Variants in HOMER2 observed in about 807,000 individuals in gnomAD.
HOMER2 encodes the protein homer scaffold protein 2.
Under a neutral mutation model 47.0 loss-of-function variants are expected in HOMER2, and 27 were observed. That is an observed-to-expected ratio of 0.57 (90% CI 0.42 to 0.79). The LOEUF (loss-of-function observed/expected upper bound fraction) is 0.79, where lower values mean the gene tolerates loss of function less well. HOMER2 is among the 30% of genes least tolerant of loss of function. HOMER2 has a pLI of 0.00. For missense variants in HOMER2, 443 were observed against 435.0 expected (o/e 1.02, Z -0.16); for synonymous variants, 161 against 163.8 (o/e 0.98, Z 0.13).
intron 1 of HOMER2, among the ~76,000 whole-genome samples, chr15:82,970,855 GT>G: frequency 6.6e-6 from 1 of 152,288 alleles, no homozygotes; most frequent in Admixed American, 6.5e-5. Flanking sequence ...TCCAGCTCCT[GT>G]TTGTCTAAAA....
intron 1 of HOMER2, among the ~76,000 whole-genome samples, chr15:82,977,828 G>C (rs923936333): frequency 6.6e-6 from 1 of 152,068 alleles, no homozygotes; most frequent in Admixed American, 6.6e-5. Context: ...TGAGGGGAGA[G>C]GAAGTGGGAA....
Position 82,849,681 on chromosome 15 carries a change from G to A in HOMER2, c.*34C>T, listed in dbSNP as rs1385819133. On this transcript the variant is annotated 3_prime_UTR_variant, in exon 9 of 9. Coordinates refer to ENST00000450735, the MANE Select transcript of HOMER2 (RefSeq NM_004839.4). ...CTATCTGGTCTCGCACACACGCTTG[G>A]GACTCACGGGCGGGGCCTGGGCCTC... The A allele has an allele frequency of 2.5e-6, 4 of 1,590,218 alleles. No homozygotes were observed. The Admixed American group carries it at 5.2e-5, about 21-fold the overall frequency.
intron 3 of HOMER2, among the ~76,000 whole-genome samples, chr15:82,873,889 G>T (rs1465087477): frequency 6.6e-6 from 1 of 152,228 alleles, no homozygotes; most frequent in South Asian, 2.1e-4. Context: ...TTAGAAGTGT[G>T]TGTGCGTGCA....
intron 4 of HOMER2, 160 bp from the exon 5 acceptor site, chr15:82,859,295 C>A: frequency 5.8e-6 from 5 of 866,718 alleles, no homozygotes; most frequent in South Asian, 3.7e-5. Context: ...CAAAGACTAA[C>A]AAGTTTTTGT....
intron 2 of HOMER2, among the ~76,000 whole-genome samples, chr15:82,878,882 C>G (rs1567030283): frequency 6.6e-6 from 1 of 152,222 alleles, no homozygotes; most frequent in Non-Finnish European, 1.5e-5. Flanking sequence ...TCTGCCTCAG[C>G]CTTCCGAATG....
intron 1 of HOMER2, among the ~76,000 whole-genome samples, chr15:82,943,831 G>A (rs868056994): frequency 1.3e-5 from 2 of 152,214 alleles, no homozygotes; most frequent in Non-Finnish European, 2.9e-5. Context: ...TAGAGCCCCT[G>A]CATAGCTGGG....
intron 1 of HOMER2, among the ~76,000 whole-genome samples, chr15:82,920,307 T>C (rs1348738109): frequency 3.9e-5 from 6 of 152,180 alleles, no homozygotes; most frequent in Admixed American, 1.3e-4. Flanking sequence ...TTATACTTGA[T>C]TGGTTTTGGC....
intron 1 of HOMER2, chr15:82,898,408 TCTC>T (rs1397211976): frequency 2.0e-5 from 3 of 152,250 alleles, no homozygotes; most frequent in Non-Finnish European, 2.9e-5. Context: ...CCAAATTTAT[TCTC>T]CTTCCTTTGA....
At chr15:82,840,375 C>T (rs1377005840) in exon 2 of HOMER2, 8 of 152,094 alleles carry the variant, frequency 5.3e-5, no homozygotes, top group East Asian at 1.9e-4. Flanking sequence ...GGAAAGCACA[C>T]GCAACATGGG....
intron 1 of HOMER2, among the ~76,000 whole-genome samples, chr15:82,906,900 C>T (rs1341583113): frequency 1.3e-5 from 2 of 152,112 alleles, no homozygotes; most frequent in East Asian, 3.8e-4. Context: ...GAGTCATTAC[C>T]TAATAATAAA....
At chr15:82,904,924 T>C (rs1014000621) in intron 1 of HOMER2, among the ~76,000 whole-genome samples, 1 of 152,198 alleles carries the variant, frequency 6.6e-6, no homozygotes, top group African/African-American at 2.4e-5. Context: ...TTGAAGAGAC[T>C]GAACAAGTAT....
At chr15:82,936,209 G>A (rs1567064471) in intron 1 of HOMER2, among the ~76,000 whole-genome samples, 1 of 152,106 alleles carries the variant, frequency 6.6e-6, no homozygotes, top group Non-Finnish European at 1.5e-5. Context: ...TGCACATGCG[G>A]TAGCAGCCTA....
chr15:82,981,620 T>C (rs1026775241), intron 1 of HOMER2, among the ~76,000 whole-genome samples: 1 of 152,216 alleles, frequency 6.6e-6, no homozygotes, highest in African/African-American at 2.4e-5. Context: ...CAAGTGTCCA[T>C]TAATAGATGA....
chr15:82,938,851 G>A (rs1414754068), intron 1 of HOMER2, among the ~76,000 whole-genome samples: 2 of 152,100 alleles, frequency 1.3e-5, no homozygotes, highest in African/African-American at 2.4e-5. Flanking sequence ...TGACCCTGTT[G>A]AAGATGCTCC....
chr15:82,891,826 C>T lies in HOMER2; in HGVS notation c.162+859G>A, dbSNP rs1188952136. On this transcript the variant is annotated intron_variant, in intron 2 of 8. Coordinates refer to ENST00000450735, the MANE Select transcript of HOMER2 (RefSeq NM_004839.4). The stretch of plus-strand genomic sequence containing the variant: ...AAACTTAAAGAAGGACTCTATGTTT[C>T]GCTTTATTAGCCCAAATGATTGGGG... Among the ~76,000 whole-genome samples the T allele has an allele frequency of 3.9e-5, 6 of 152,210 alleles. No individual in the cohort carries two copies. The East Asian group carries it at 5.8e-4, about 15-fold the overall frequency.
At chr15:82,858,829 C>G (rs1800428441) in intron 5 of HOMER2, among the ~76,000 whole-genome samples, 200 bp downstream of exon 5, 1 of 152,182 alleles carries the variant, frequency 6.6e-6, no homozygotes. Flanking sequence ...CCCACACACA[C>G]ACAAATGGAT....
At chr15:82,858,785 A>G (rs2051673029) in intron 5 of HOMER2, among the ~76,000 whole-genome samples, 1 of 151,644 alleles carries the variant, frequency 6.6e-6, no homozygotes, top group Admixed American at 6.6e-5. Flanking sequence ...CATACTCACA[A>G]TATCTCTCTC....
At chr15:82,945,035 C>A (rs28670390) in intron 1 of HOMER2, among the ~76,000 whole-genome samples, 1 of 152,152 alleles carries the variant, frequency 6.6e-6, no homozygotes, top group East Asian at 1.9e-4. Flanking sequence ...ACCAACCAAC[C>A]TTAGCAACAA....
chr15:82,868,523 T>TATATATATATATATATA (rs2052055665), intron 3 of HOMER2, among the ~76,000 whole-genome samples: 2 of 36,640 alleles, frequency 5.5e-5, no homozygotes, highest in African/African-American at 1.1e-4. Flanking sequence ...CTTATTTATT[T>TATATATATATATATATA]TATATATATA....
Sources: gnomAD v4.1 joint callset for allele counts (sites outside exome capture counted in the v4.1 genomes callset) on GRCh38, gnomAD v4.1.1 for gene constraint, MANE v1.5 for transcripts, NCBI Gene and HGNC (gene_info 2026-07-23, HGNC 2026-07-21) for gene names.